DEFB118: variants seen among roughly 807,000 people sequenced by gnomAD.
DEFB118 encodes the protein defensin, beta 18.
Under a neutral mutation model 2.8 loss-of-function variants are expected in DEFB118, and 3 were observed. The ratio of observed to expected loss-of-function variants is 1.09; its 90% CI spans 0.50 to 2.82. The LOEUF (loss-of-function observed/expected upper bound fraction) is 2.82. Among genes scored for constraint, DEFB118 ranks in the 30% most tolerant of loss-of-function variants. The pLI is 0.04. For missense variants in DEFB118, 159 were observed against 144.6 expected (o/e 1.10, Z -0.51); for synonymous variants, 63 against 53.5 (o/e 1.18, Z -0.78).
chr20:31,372,647 T>C (rs1986231393), intron 1 of DEFB118, among the ~76,000 whole-genome samples: 1 of 152,188 alleles, frequency 6.6e-6, no homozygotes, highest in Non-Finnish European at 1.5e-5. Context: ...AAGTTTCTTT[T>C]CATTGATCGT....
At chr20:31,368,933 G>A (rs17122694) in intron 1 of DEFB118, among the ~76,000 whole-genome samples, 3,343 of 152,212 alleles carry the variant, frequency 0.022, 91 homozygotes, top group African/African-American at 0.063. Flanking sequence ...CCAAGTTGCC[G>A]CCTAAGAAAC....
chr20:31,370,808 T>A (rs552795886), intron 1 of DEFB118, among the ~76,000 whole-genome samples: 2 of 152,212 alleles, frequency 1.3e-5, no homozygotes, highest in Non-Finnish European at 2.9e-5. Flanking sequence ...TGGTGTGCAA[T>A]GGCGCGATCT....
chr20:31,372,271 G>A (rs1986222020), intron 1 of DEFB118, among the ~76,000 whole-genome samples: 1 of 152,138 alleles, frequency 6.6e-6, no homozygotes, highest in Non-Finnish European at 1.5e-5. Context: ...GTACTTTCTG[G>A]CCGGGTGCTG....
In DEFB118 at chr20:31,372,848, A is replaced by G; in HGVS notation, c.59-9A>G. On this transcript the variant is annotated splice_polypyrimidine_tract_variant and intron_variant, in intron 1 of 1. Coordinates refer to ENST00000253381, the MANE Select transcript of DEFB118 (RefSeq NM_054112.3). ...CCCAAAATCAATGGTCTTTCCTTTT[A>G]TTATTCAGCCTATAGTGGTGAAAAA... The G allele has an allele frequency of 6.2e-7, 1 of 1,607,170 alleles. No individual in the cohort carries two copies. Among genetic ancestry groups the G allele is most frequent in the Non-Finnish European group, 8.5e-7 (1 of 1,175,190 alleles).
At position 31,369,636 on chromosome 20, in the gene DEFB118, C is replaced by T. The variant is rs533727254; in HGVS notation, c.58+928C>T. On this transcript the variant is annotated intron_variant, in intron 1 of 1. Transcript: ENST00000253381. ...AACTCTTGACCTCGGGTGATCCATC[C>T]GCCTCGGTCTCCCAAAGTGCTGGGA... Among the ~76,000 whole-genome samples, 15 of 152,126 alleles carry T rather than the reference C, an allele frequency of 9.9e-5. No individual in the cohort carries two copies. The East Asian group carries it at 2.1e-3, about 22-fold the overall frequency.
At chr20:31,370,380 G>A (rs563943520) in intron 1 of DEFB118, among the ~76,000 whole-genome samples, 1 of 152,158 alleles carries the variant, frequency 6.6e-6, no homozygotes, top group Non-Finnish European at 1.5e-5. Flanking sequence ...TGGAGATATT[G>A]AGACTAGGAA....
In DEFB118 at chr20:31,373,510, G is replaced by A; in HGVS notation, c.*340G>A. 1 of 250,114 alleles carries A rather than the reference G, an allele frequency of 4.0e-6. No individual in the cohort carries two copies. The highest frequency in any genetic ancestry group is 7.7e-6 in the Non-Finnish European group (1 of 129,658). The allele number at this position is 250,114 out of a possible 1,614,324, so 15.5% of individuals were successfully genotyped here. A position where few individuals can be genotyped will look rare whatever the true frequency, so the allele number is the denominator to read the frequency against. ...CTGTCTTCTCAACAGCTGTCTTCATGGCAGCATAAGTGGTCATGATCAAAA... is the reference window on the plus strand; with the variant it reads ...CTGTCTTCTCAACAGCTGTCTTCATAGCAGCATAAGTGGTCATGATCAAAA... On this transcript the variant is annotated 3_prime_UTR_variant, in exon 2 of 2. Transcript: ENST00000253381.
chr20:31,370,585 GC>G (rs1986195830), intron 1 of DEFB118, among the ~76,000 whole-genome samples: 1 of 152,138 alleles, frequency 6.6e-6, no homozygotes, highest in South Asian at 2.1e-4. Flanking sequence ...ATCTTAAAAA[GC>G]CCCTACATTT....
At chr20:31,370,261 T>C (rs1986191794) in intron 1 of DEFB118, among the ~76,000 whole-genome samples, 1 of 152,164 alleles carries the variant, frequency 6.6e-6, no homozygotes, top group African/African-American at 2.4e-5. Context: ...CCAGCAGAAA[T>C]TGCCAACTCT....
In DEFB118 at chr20:31,368,698, A is replaced by G. The variant is rs112116717; in HGVS notation, c.48A>G (p.Gln16=). Reference sequence around the variant, plus strand: ...TTCCTATGCTTGTGCTCCTACCCCAAGTGATCCCAGGTAATCAGAGGTCAG... The same window carrying G: ...TTCCTATGCTTGTGCTCCTACCCCAGGTGATCCCAGGTAATCAGAGGTCAG... The part of the protein sequence containing the change: ...LALPMLVLLP[Q]VIPAYSGEKK... Residue 16 remains glutamine (Q), a synonymous_variant, in exon 1 of 2, where the codon CAA becomes CAG. Transcript: ENST00000253381. The G allele has an allele frequency of 2.5e-6, 4 of 1,613,554 alleles. No individual in the cohort carries two copies. The highest frequency in any genetic ancestry group is 2.7e-5 in the African/African-American group (2 of 75,004).
rs1986159085 is a variant in DEFB118, at chr20:31,368,716, G to A, written c.58+8G>A. The A allele has an allele frequency of 1.2e-6, 2 of 1,613,024 alleles. No homozygotes were observed. The highest frequency in any genetic ancestry group is 1.1e-5 in the South Asian group (1 of 91,060). On this transcript the variant is annotated splice_region_variant and intron_variant, in intron 1 of 1. Coordinates refer to ENST00000253381, the MANE Select transcript of DEFB118 (RefSeq NM_054112.3). ...TACCCCAAGTGATCCCAGGTAATCA[G>A]AGGTCAGGGAAGATACAAAAATAGA... is the stretch of plus-strand genomic sequence containing the variant.
At chr20:31,371,935 T>G (rs977784534) in intron 1 of DEFB118, among the ~76,000 whole-genome samples, 4 of 152,160 alleles carry the variant, frequency 2.6e-5, no homozygotes, top group Non-Finnish European at 5.9e-5. Context: ...AGTGAGAACA[T>G]GTGGTATTTG....
At position 31,373,166 on chromosome 20, in the gene DEFB118, C is replaced by T; in HGVS notation, c.368C>T (p.Ser123Leu). 1 of 1,612,086 alleles carries T rather than the reference C, an allele frequency of 6.2e-7. No individual in the cohort carries two copies. Among genetic ancestry groups the T allele is most frequent in the Non-Finnish European group, 8.5e-7 (1 of 1,178,966 alleles). Residue 123 changes from serine (S) to leucine (L), a missense_variant, in exon 2 of 2, where the codon TCA becomes TTA. By Grantham distance (145) the Ser-to-Leu change is moderately radical. Coordinates refer to ENST00000253381, the MANE Select transcript of DEFB118 (RefSeq NM_054112.3). ...ETSLPNVHHS[S>L] Reference sequence around the variant, plus strand: ...TCTCTTCCAAATGTTCACCATAGCTCATGACTTCCTCTCGGCTATCACTCA... The same window carrying T: ...TCTCTTCCAAATGTTCACCATAGCTTATGACTTCCTCTCGGCTATCACTCA...
intron 1 of DEFB118, among the ~76,000 whole-genome samples, chr20:31,372,334 G>A (rs1366588476): frequency 6.6e-6 from 1 of 152,166 alleles, no homozygotes; most frequent in Non-Finnish European, 1.5e-5. Context: ...GGTGGATCAT[G>A]AGGTCAAGAG....
At chr20:31,372,418 G>A (rs139343549) in intron 1 of DEFB118, among the ~76,000 whole-genome samples, 341 of 152,162 alleles carry the variant, frequency 2.2e-3, no homozygotes, top group African/African-American at 7.2e-3. Flanking sequence ...GTGTGGTGGC[G>A]CGTGCCTGTA....
intron 1 of DEFB118, among the ~76,000 whole-genome samples, chr20:31,369,785 T>C (rs1986182480): frequency 1.3e-5 from 2 of 152,222 alleles, no homozygotes; most frequent in Non-Finnish European, 2.9e-5. Context: ...TGTATAGTTC[T>C]GCTGTAGGAT....
chr20:31,370,356 G>T (rs1350300269), intron 1 of DEFB118, among the ~76,000 whole-genome samples: 1 of 152,164 alleles, frequency 6.6e-6, no homozygotes, highest in Non-Finnish European at 1.5e-5. Flanking sequence ...AATTGTGTCT[G>T]CTTTGAGTGC....
intron 1 of DEFB118, among the ~76,000 whole-genome samples, chr20:31,368,968 G>C (rs1409013371): frequency 6.6e-6 from 1 of 152,180 alleles, no homozygotes; most frequent in Non-Finnish European, 1.5e-5. Context: ...GCTCACATCT[G>C]TTCTCTTTCC....
In DEFB118 at chr20:31,368,628, C is replaced by T. The variant is rs1393351810; in HGVS notation, c.-23C>T. ...ACAGTATTCTGAACTCCTGGATCTA[C>T]CACCTCCTGCTTCCCAAGGACCATG... On this transcript the variant is annotated 5_prime_UTR_variant, in exon 1 of 2. Coordinates refer to ENST00000253381, the MANE Select transcript of DEFB118 (RefSeq NM_054112.3). 31 of 1,612,976 alleles carry T rather than the reference C, an allele frequency of 1.9e-5. No homozygotes were observed. The highest frequency in any genetic ancestry group is 4.0e-5 in the African/African-American group (3 of 74,892).
Sources: gnomAD v4.1 joint callset for allele counts (sites outside exome capture counted in the v4.1 genomes callset) on GRCh38, gnomAD v4.1.1 for gene constraint, MANE v1.5 for transcripts, NCBI Gene and HGNC (gene_info 2026-07-23, HGNC 2026-07-21) for gene names.